CCSER1: variants seen among roughly 807,000 people sequenced by gnomAD.
CCSER1 encodes the protein serine-rich coiled-coil domain-containing protein 1.
Under a neutral mutation model 82.0 loss-of-function variants are expected in CCSER1, and 41 were observed. The ratio of observed to expected loss-of-function variants is 0.50; its 90% CI spans 0.39 to 0.65. The LOEUF is 0.65. Ranked by LOEUF, CCSER1 falls within the 30% of genes least tolerant of loss-of-function variation. The probability of loss-of-function intolerance (pLI) is 0.00; values close to 1 mark genes in which losing one functional copy is unlikely to be tolerated. For missense variants in CCSER1, 1,119 were observed against 1,064.2 expected (o/e 1.05, Z -0.72); for synonymous variants, 414 against 383.9 (o/e 1.08, Z -0.92).
At chr4:90,690,269 G>A (rs763091132) in intron 6 of CCSER1, among the ~76,000 whole-genome samples, 7 of 152,036 alleles carry the variant, frequency 4.6e-5, no homozygotes, top group Non-Finnish European at 7.4e-5. Flanking sequence ...TGGTAAGCAT[G>A]GGAGGTCAAA....
At chr4:90,549,676 C>G (rs914687922) in intron 5 of CCSER1, among the ~76,000 whole-genome samples, 1 of 151,612 alleles carries the variant, frequency 6.6e-6, no homozygotes, top group African/African-American at 2.4e-5. Flanking sequence ...TTTTGAATGC[C>G]AAATAAATAA....
chr4:91,477,282 A>T (rs908216046), intron 10 of CCSER1, among the ~76,000 whole-genome samples: 5 of 151,746 alleles, frequency 3.3e-5, no homozygotes, highest in African/African-American at 1.2e-4. Context: ...TTCTCAAAAG[A>T]AGACATGTCA....
At chr4:90,274,502 A>G (rs1489005747) in intron 1 of CCSER1, among the ~76,000 whole-genome samples, 1 of 152,156 alleles carries the variant, frequency 6.6e-6, no homozygotes, top group Non-Finnish European at 1.5e-5. Flanking sequence ...TTAGTTTGTT[A>G]CTATTGTTCA....
intron 1 of CCSER1, among the ~76,000 whole-genome samples, chr4:90,306,938 A>G (rs1056074197): frequency 1.3e-5 from 2 of 152,198 alleles, no homozygotes; most frequent in African/African-American, 4.8e-5. Flanking sequence ...TGAATCCTTG[A>G]TGTAGAAACA....
intron 9 of CCSER1, among the ~76,000 whole-genome samples, chr4:91,070,825 G>C (rs1219616043): frequency 6.6e-6 from 1 of 151,958 alleles, no homozygotes; most frequent in Non-Finnish European, 1.5e-5. Flanking sequence ...AAGAGAGTCT[G>C]GTATTAACAA....
intron 10 of CCSER1, among the ~76,000 whole-genome samples, chr4:91,358,413 C>CT (rs1382817935): frequency 5.8e-5 from 8 of 137,268 alleles, no homozygotes; most frequent in African/African-American, 2.0e-4. Flanking sequence ...TTTTTTTTCC[C>CT]GAGACAAAAT....
intron 9 of CCSER1, among the ~76,000 whole-genome samples, chr4:91,044,852 A>G (rs1225016727): frequency 6.6e-6 from 1 of 152,204 alleles, no homozygotes; most frequent in Non-Finnish European, 1.5e-5. Context: ...TTTTTCTTGC[A>G]TATAATTCTC....
At chr4:90,379,066 A>G (rs182557843) in intron 3 of CCSER1, among the ~76,000 whole-genome samples, 33 of 152,324 alleles carry the variant, frequency 2.2e-4, no homozygotes, top group African/African-American at 7.7e-4. Context: ...AAAATTTATT[A>G]TAATCGACTG....
chr4:91,393,916 C>T (rs1275425625), intron 10 of CCSER1, among the ~76,000 whole-genome samples: 1 of 152,080 alleles, frequency 6.6e-6, no homozygotes, highest in Admixed American at 6.6e-5. Flanking sequence ...AGAAACTTGA[C>T]ATTGCATGTC....
intron 8 of CCSER1, among the ~76,000 whole-genome samples, chr4:90,915,651 G>T (rs1444681382): frequency 6.6e-6 from 1 of 152,124 alleles, no homozygotes; most frequent in Non-Finnish European, 1.5e-5. Flanking sequence ...CATAGTGTTG[G>T]AAGTTCTGGC....
At chr4:90,270,843 A>G (rs930088490) in intron 1 of CCSER1, among the ~76,000 whole-genome samples, 4 of 152,176 alleles carry the variant, frequency 2.6e-5, no homozygotes, top group African/African-American at 9.6e-5. Context: ...CTATGTGCCA[A>G]CAGTGAACAA....
At chr4:90,447,902 T>C (rs1323385341) in intron 4 of CCSER1, among the ~76,000 whole-genome samples, 2 of 152,208 alleles carry the variant, frequency 1.3e-5, no homozygotes, top group Admixed American at 1.3e-4. Context: ...AAATAATTGC[T>C]TTTAAAATAT....
At chr4:90,329,530 C>T (rs1484168342) in intron 3 of CCSER1, among the ~76,000 whole-genome samples, 1 of 152,078 alleles carries the variant, frequency 6.6e-6, no homozygotes. Context: ...GTGTTAGTTC[C>T]TTTCAGCCAC....
At chr4:90,806,325 T>A (rs1757506399) in intron 7 of CCSER1, among the ~76,000 whole-genome samples, 1 of 152,204 alleles carries the variant, frequency 6.6e-6, no homozygotes, top group Non-Finnish European at 1.5e-5. Flanking sequence ...TGTGAACTCC[T>A]TCAGAAATTT....
At chr4:90,207,299 G>T (rs1332135563) in intron 1 of CCSER1, among the ~76,000 whole-genome samples, 3 of 152,214 alleles carry the variant, frequency 2.0e-5, no homozygotes, top group Non-Finnish European at 4.4e-5. Flanking sequence ...GTTGATACTT[G>T]TGAATGCCTC....
chr4:90,847,006 A>G (rs1056079299), intron 8 of CCSER1, among the ~76,000 whole-genome samples: 2 of 152,182 alleles, frequency 1.3e-5, no homozygotes, highest in Admixed American at 6.5e-5. Flanking sequence ...ATTCTTTACA[A>G]TGGGGTGTCT....
intron 5 of CCSER1, among the ~76,000 whole-genome samples, chr4:90,497,586 T>C (rs2153609578): frequency 6.6e-6 from 1 of 152,294 alleles, no homozygotes. Flanking sequence ...CCTTGCCAGA[T>C]TCCACAAAAG....
chr4:90,775,479 A>T (rs964182554), intron 7 of CCSER1, among the ~76,000 whole-genome samples: 5 of 152,220 alleles, frequency 3.3e-5, no homozygotes, highest in African/African-American at 1.2e-4. Flanking sequence ...AAATGTGAAT[A>T]GTAAGAAAAG....
intron 10 of CCSER1, among the ~76,000 whole-genome samples, chr4:91,551,700 C>CACACACACACAA (rs1491222711): frequency 3.1e-4 from 43 of 139,334 alleles, no homozygotes; most frequent in African/African-American, 1.1e-3. Context: ...CACACACACA[C>CACACACACACAA]AATCAGTCAA....
Sources: allele counts gnomAD v4.1 joint callset (sites outside exome capture counted in the v4.1 genomes callset), GRCh38; gene constraint gnomAD v4.1.1; transcripts MANE v1.5; gene names NCBI Gene and HGNC (gene_info 2026-07-23, HGNC 2026-07-21).